FIG4: variants seen among roughly 807,000 people sequenced by gnomAD.
FIG4 encodes FIG4 phosphoinositide 5-phosphatase.
Under a neutral mutation model 118.6 loss-of-function variants are expected in FIG4, and 112 were observed. The ratio of observed to expected loss-of-function variants is 0.94; its 90% CI spans 0.81 to 1.11. FIG4 has a LOEUF of 1.11. Ranked by LOEUF, FIG4 falls within the 50% of genes least tolerant of loss-of-function variation. The probability of loss-of-function intolerance (pLI) is 0.00; values close to 1 mark genes in which losing one functional copy is unlikely to be tolerated. For missense variants in FIG4, 969 were observed against 1,111.7 expected (o/e 0.87, Z 1.83); for synonymous variants, 369 against 381.2 (o/e 0.97, Z 0.37).
rs139260232 is a variant in FIG4 at position 109,731,823 on chromosome 6, A to G, written c.447-814A>G. 1.1e-4 allele frequency among the ~76,000 whole-genome samples: 16 copies of G among 152,312 alleles called. No homozygotes were observed. In the East Asian group the frequency reaches 2.9e-3, roughly 28 times the overall value. ...CCCACAGATACCGAGGGATGACTGT[A>G]TATAGTGAAGACCAAACATTGATTA... On this transcript the variant is annotated intron_variant, in intron 4 of 22. Coordinates refer to ENST00000230124, the MANE Select transcript of FIG4 (RefSeq NM_014845.6).
chr6:109,822,903 A>G (rs200310533), intron 22 of FIG4, among the ~76,000 whole-genome samples: 1 of 149,076 alleles, frequency 6.7e-6, no homozygotes, highest in Non-Finnish European at 1.5e-5. Flanking sequence ...ATATATATAT[A>G]GTGTGTGTGT....
chr6:109,823,452 CATT>C (rs943330931), intron 22 of FIG4, among the ~76,000 whole-genome samples: 38 of 152,304 alleles, frequency 2.5e-4, no homozygotes, highest in Admixed American at 2.1e-3. Flanking sequence ...CAGGATGTGT[CATT>C]GTTGTGGATA....
At chr6:109,766,521 A>G (rs560308146) in intron 14 of FIG4, among the ~76,000 whole-genome samples, 48 of 152,280 alleles carry the variant, frequency 3.2e-4, no homozygotes, top group Non-Finnish European at 5.9e-4. Flanking sequence ...CCCTGCTTCC[A>G]TTTTAGTGTT....
intron 2 of FIG4, 118 bp downstream of exon 2, chr6:109,715,294 G>T: frequency 6.4e-6 from 4 of 629,372 alleles, no homozygotes; most frequent in Non-Finnish European, 8.4e-6. Context: ...AAAAGTTTCC[G>T]TTATTTTTCT....
At chr6:109,759,561 G>A (rs1367024023) in intron 10 of FIG4, among the ~76,000 whole-genome samples, 1 of 152,124 alleles carries the variant, frequency 6.6e-6, no homozygotes, top group Non-Finnish European at 1.5e-5. Context: ...AGGTCACATG[G>A]CTAGTGAGTG....
At chr6:109,717,207 CAGT>C (rs1220252517) in intron 3 of FIG4, among the ~76,000 whole-genome samples, 2 of 152,142 alleles carry the variant, frequency 1.3e-5, no homozygotes, top group Non-Finnish European at 2.9e-5. Context: ...TTTCTGAACA[CAGT>C]AGTCCATAGA....
intron 21 of FIG4, among the ~76,000 whole-genome samples, chr6:109,796,434 G>C (rs1778289435): frequency 6.6e-6 from 1 of 152,172 alleles, no homozygotes; most frequent in African/African-American, 2.4e-5. Flanking sequence ...AGATGTGTGA[G>C]GCTCTGCAAG....
chr6:109,732,581 CTG>C (rs1776035640), intron 4 of FIG4, 54 bp from the exon 5 acceptor site: 3 of 912,716 alleles, frequency 3.3e-6, no homozygotes, highest in Middle Eastern at 2.4e-4. Context: ...ACATGTTAAA[CTG>C]TGAGAAATAA....
At chr6:109,806,780 C>T (rs1283943706) in intron 22 of FIG4, among the ~76,000 whole-genome samples, 1 of 152,058 alleles carries the variant, frequency 6.6e-6, no homozygotes, top group Non-Finnish European at 1.5e-5. Flanking sequence ...CCCTAGTTCC[C>T]CAACCCGCAA....
intron 3 of FIG4, among the ~76,000 whole-genome samples, chr6:109,725,224 A>G (rs950896407): frequency 2.0e-5 from 3 of 152,056 alleles, no homozygotes; most frequent in Non-Finnish European, 2.9e-5. Flanking sequence ...CACATGCGTT[A>G]GGTATTTGTC....
chr6:109,719,388 G>GT (rs1219708611), intron 3 of FIG4, among the ~76,000 whole-genome samples: 56 of 147,722 alleles, frequency 3.8e-4, no homozygotes, highest in African/African-American at 1.1e-3. Flanking sequence ...GTGTGTGTGT[G>GT]TTTTTTTTTT....
At chr6:109,781,630 A>C (rs576339658) in intron 16 of FIG4, among the ~76,000 whole-genome samples, 12 of 149,756 alleles carry the variant, frequency 8.0e-5, no homozygotes, top group African/African-American at 2.4e-4. Flanking sequence ...GTCTGTTAGA[A>C]CTCCTAAGTC....
At chr6:109,740,878 A>G (rs9487198) in intron 7 of FIG4, among the ~76,000 whole-genome samples, 4,496 of 152,216 alleles carry the variant, frequency 0.03, 227 homozygotes, top group African/African-American at 0.1. Context: ...GAAACTTACA[A>G]TCATGGTGGA....
At chr6:109,777,377 A>T (rs1777653349) in intron 16 of FIG4, among the ~76,000 whole-genome samples, 1 of 152,140 alleles carries the variant, frequency 6.6e-6, no homozygotes, top group Non-Finnish European at 1.5e-5. Flanking sequence ...GGTTGGGGAA[A>T]ATGTGGCTAG....
rs936394444 is a variant in FIG4 at position 109,803,631 on chromosome 6, T to TA, written c.2546+6781dup. On this transcript the variant is annotated intron_variant, in intron 22 of 22. Transcript: ENST00000230124. ...TTAAATTTCTTTTTTCTTTTTTTTT[T>TA]ATTATACTTTAAGTTCTAGGGTACA... Among the ~76,000 whole-genome samples the TA allele has an allele frequency of 4.6e-5, 7 of 151,470 alleles. No individual in the cohort carries two copies. The East Asian group carries it at 1.2e-3, about 25-fold the overall frequency.
intron 10 of FIG4, among the ~76,000 whole-genome samples, chr6:109,748,887 C>T (rs1776593233): frequency 6.6e-6 from 1 of 152,024 alleles, no homozygotes; most frequent in African/African-American, 2.4e-5. Context: ...TATCTCCCAC[C>T]AGATCCCTCC....
intron 15 of FIG4, among the ~76,000 whole-genome samples, chr6:109,774,583 A>C (rs970213104): frequency 6.6e-6 from 1 of 152,128 alleles, no homozygotes; most frequent in Non-Finnish European, 1.5e-5. Context: ...GTAAACAGTT[A>C]ATGTTCCCCT....
intron 11 of FIG4, among the ~76,000 whole-genome samples, chr6:109,760,804 T>C (rs1347154833): frequency 6.6e-6 from 1 of 152,140 alleles, no homozygotes; most frequent in Non-Finnish European, 1.5e-5. Flanking sequence ...GTGACCACTT[T>C]TTATTTATCC....
chr6:109,805,162 T>C (rs992924070), intron 22 of FIG4, among the ~76,000 whole-genome samples: 21 of 152,170 alleles, frequency 1.4e-4, no homozygotes, highest in African/African-American at 5.1e-4. Flanking sequence ...CCAGTCCTTA[T>C]TAGTTGAGTT....
Sources: allele counts gnomAD v4.1 joint callset (sites outside exome capture counted in the v4.1 genomes callset), GRCh38; gene constraint gnomAD v4.1.1; transcripts MANE v1.5; gene names NCBI Gene and HGNC (gene_info 2026-07-23, HGNC 2026-07-21).